ATP6V1H: variants seen among roughly 807,000 people sequenced by gnomAD.
ATP6V1H encodes the protein V-type proton ATPase subunit H.
Under a neutral mutation model 71.7 loss-of-function variants are expected in ATP6V1H, and 39 were observed. The observed-to-expected ratio is 0.54, with a 90% CI of 0.42 to 0.71. The LOEUF (loss-of-function observed/expected upper bound fraction) is 0.71. Ranked by LOEUF, ATP6V1H falls within the 30% of genes least tolerant of loss-of-function variation. The pLI is 0.00. For synonymous variants in ATP6V1H, 192 were observed against 199.3 expected (o/e 0.96, Z 0.31); for missense variants, 509 against 594.9 (o/e 0.86, Z 1.50).
chr8:53,823,605 T>C (rs750604591), intron 4 of ATP6V1H, among the ~76,000 whole-genome samples: 1 of 152,200 alleles, frequency 6.6e-6, no homozygotes, highest in Non-Finnish European at 1.5e-5. Context: ...AGCCTCCCAG[T>C]AGCTGGGATT....
intron 9 of ATP6V1H, among the ~76,000 whole-genome samples, chr8:53,777,250 TAAA>T (rs917624214): frequency 3.9e-5 from 6 of 151,952 alleles, no homozygotes; most frequent in African/African-American, 7.3e-5. Flanking sequence ...TAGATACAAA[TAAA>T]ACTAAATCCA....
At position 53,724,116 on chromosome 8, in the gene ATP6V1H, C is replaced by T. The variant is rs142760306; in HGVS notation, c.1392-8092G>A. Among the ~76,000 whole-genome samples, 563 of 152,196 alleles carry T rather than the reference C, an allele frequency of 3.7e-3. 3 individuals carry two copies. Among genetic ancestry groups the T allele is most frequent in the African/African-American group, 0.013 (520 of 41,502 alleles). ...CAAAAATCCTGGGCAATGCCTATGCCATCCGAATTATCAAATATTAACTTT... is the reference window on the plus strand; with the variant it reads ...CAAAAATCCTGGGCAATGCCTATGCTATCCGAATTATCAAATATTAACTTT... On this transcript the variant is annotated intron_variant, in intron 13 of 13. Transcript: ENST00000359530.
At chr8:53,732,995 T>TA (rs1261858181) in intron 13 of ATP6V1H, among the ~76,000 whole-genome samples, 1 of 152,170 alleles carries the variant, frequency 6.6e-6, no homozygotes, top group Middle Eastern at 3.2e-3. Flanking sequence ...GGAGCAGTGA[T>TA]ATACTGGGGT....
intron 8 of ATP6V1H, among the ~76,000 whole-genome samples, chr8:53,796,121 T>C (rs1809724457): frequency 6.6e-6 from 1 of 151,854 alleles, no homozygotes; most frequent in Non-Finnish European, 1.5e-5. Flanking sequence ...GCAACGGGAA[T>C]GGAAAGAGCA....
intron 11 of ATP6V1H, 39 bp from the exon 12 acceptor site, chr8:53,756,695 T>G (rs1235038508): frequency 6.9e-6 from 10 of 1,439,000 alleles, no homozygotes; most frequent in Non-Finnish European, 9.7e-6. Flanking sequence ...CAAGTTCTAA[T>G]TTTTCTATAG....
At chr8:53,817,206 T>A (rs931884260) in intron 5 of ATP6V1H, among the ~76,000 whole-genome samples, 1 of 151,204 alleles carries the variant, frequency 6.6e-6, no homozygotes, top group Non-Finnish European at 1.5e-5. Context: ...AAAACAAAAA[T>A]TTTAAAATAA....
intron 9 of ATP6V1H, among the ~76,000 whole-genome samples, chr8:53,774,684 A>C (rs748792578): frequency 3.7e-4 from 57 of 152,158 alleles, no homozygotes; most frequent in Non-Finnish European, 7.2e-4. Flanking sequence ...AGCAGAAACT[A>C]GAATGGAGTC....
At position 53,772,073 on chromosome 8, in the gene ATP6V1H, T is replaced by C. The variant is rs1381709700; in HGVS notation, c.965A>G (p.Glu322Gly). ...ATCTTCATCATCGTACTTCTGCTGT[T>C]CCAAGTTCTCCAACTGTTTCAGAAC... ...CKVLKQLENLEQQKYDDEDIS... is the reference protein window; with the variant it reads ...CKVLKQLENLGQQKYDDEDIS... Residue 322 changes from glutamate to glycine, a missense_variant, in exon 10 of 14, where the codon GAA (glutamate) becomes GGA (glycine). By Grantham distance (98) the Glu-to-Gly change is moderately conservative. This residue lies in a region of ATP6V1H where 212 missense variants were observed against 291.6 expected (regional missense o/e 0.73). Transcript: ENST00000359530. 6.2e-7 allele frequency: 1 copy of C among 1,613,994 alleles called. No individual in the cohort carries two copies. Among genetic ancestry groups the C allele is most frequent in the African/African-American group, 1.3e-5 (1 of 74,938 alleles).
At chr8:53,838,820 C>T (rs1026323779) in intron 2 of ATP6V1H, among the ~76,000 whole-genome samples, 3 of 152,122 alleles carry the variant, frequency 2.0e-5, no homozygotes, top group African/African-American at 4.8e-5. Context: ...ATTGGGCTCT[C>T]GACACTGGGG....
intron 2 of ATP6V1H, among the ~76,000 whole-genome samples, 160 bp downstream of exon 2, chr8:53,841,418 T>C (rs185214276): frequency 3.6e-4 from 55 of 152,312 alleles, no homozygotes; most frequent in Admixed American, 3.3e-3. Context: ...TCCACCCCAC[T>C]ACACTTAACT....
chr8:53,828,352 G>T (rs767767709), intron 4 of ATP6V1H, among the ~76,000 whole-genome samples: 56 of 152,124 alleles, frequency 3.7e-4, no homozygotes, highest in African/African-American at 1.3e-3. Flanking sequence ...AGAACCCTGT[G>T]GTGCTGCGCT....
chr8:53,768,586 G>A (rs965438783), intron 11 of ATP6V1H, among the ~76,000 whole-genome samples: 2 of 152,048 alleles, frequency 1.3e-5, no homozygotes, highest in Admixed American at 6.6e-5. Flanking sequence ...TATCCACAAC[G>A]GAAAATCATT....
chr8:53,759,016 T>C (rs993156069), intron 11 of ATP6V1H, among the ~76,000 whole-genome samples: 5 of 152,238 alleles, frequency 3.3e-5, no homozygotes, highest in Non-Finnish European at 5.9e-5. Flanking sequence ...ACCCAAAATA[T>C]GGTGTACACA....
rs758643965 is a variant in ATP6V1H at position 53,829,468 on chromosome 8, TA to T, written c.281del (p.Leu94GlnfsTer37). ...CCTGCAGCATATCATCCACCATAGTTAGTATATACTGAACGGTCTGTTCTTT... is the reference window on the plus strand; with the variant it reads ...CCTGCAGCATATCATCCACCATAGTTGTATATACTGAACGGTCTGTTCTTT... ...ICKEQTVQYI[L>X]TMVDDMLQEN... On this transcript the variant is annotated frameshift_variant, in exon 4 of 14. Coordinates refer to ENST00000359530, the MANE Select transcript of ATP6V1H (RefSeq NM_015941.4). LOFTEE classifies it high-confidence loss of function. The T allele has an allele frequency of 1.2e-5, 19 of 1,605,266 alleles. No individual in the cohort carries two copies. The highest frequency in any genetic ancestry group is 1.5e-5 in the Non-Finnish European group (18 of 1,176,172).
chr8:53,777,713 A>G (rs1808945210), intron 9 of ATP6V1H, among the ~76,000 whole-genome samples: 2 of 152,204 alleles, frequency 1.3e-5, no homozygotes, highest in Admixed American at 6.5e-5. Context: ...GTGCAAAAGC[A>G]GTCATTAAAA....
chr8:53,752,548 CTTTCTTTTT>C (rs1396691191), intron 12 of ATP6V1H, among the ~76,000 whole-genome samples: 3 of 152,132 alleles, frequency 2.0e-5, no homozygotes, highest in Non-Finnish European at 4.4e-5. Context: ...AGTATAGATA[CTTTCTTTTT>C]TTTCTTTTTT....
rs55941425 is a variant in ATP6V1H, at chr8:53,720,337, A to C, written c.1392-4313T>G. 2.6e-3 allele frequency among the ~76,000 whole-genome samples: 401 copies of C among 152,318 alleles called. 1 individual carries two copies. Among genetic ancestry groups the C allele is most frequent in the African/African-American group, 9.0e-3 (375 of 41,578 alleles). Reference sequence around the variant, plus strand: ...AACCCAAGTACATAAACGGCTCACAAAAGAGATCATACTGCTGCAAAAGAG... The same window carrying C: ...AACCCAAGTACATAAACGGCTCACACAAGAGATCATACTGCTGCAAAAGAG... On this transcript the variant is annotated intron_variant, in intron 13 of 13. Coordinates refer to ENST00000359530, the MANE Select transcript of ATP6V1H (RefSeq NM_015941.4).
At chr8:53,825,364 CT>C (rs1810792786) in intron 4 of ATP6V1H, among the ~76,000 whole-genome samples, 1 of 151,300 alleles carries the variant, frequency 6.6e-6, no homozygotes, top group Non-Finnish European at 1.5e-5. Context: ...TAAATAGTAA[CT>C]TACAGATTTA....
chr8:53,755,720 A>T (rs1563451130), intron 12 of ATP6V1H, among the ~76,000 whole-genome samples: 5 of 5,402 alleles, frequency 9.3e-4, no homozygotes, highest in African/African-American at 2.1e-3. Context: ...ATATATATAT[A>T]TATATATATA....
Sources: gnomAD v4.1 joint callset for allele counts (sites outside exome capture counted in the v4.1 genomes callset) on GRCh38, gnomAD v4.1.1 for gene constraint, gnomAD v4.1.1 regional missense constraint, MANE v1.5 for transcripts, NCBI Gene and HGNC (gene_info 2026-07-23, HGNC 2026-07-21) for gene names.